Variants in CD8B2 observed in about 807,000 individuals in gnomAD.
CD8B2 encodes the protein T-cell surface glycoprotein CD8 beta-2 chain.
A neutral mutation model predicts 23.7 loss-of-function variants in CD8B2; 11 were observed. The ratio of observed to expected loss-of-function variants is 0.46; its 90% CI spans 0.29 to 0.77. The LOEUF (loss-of-function observed/expected upper bound fraction) is 0.77. Among genes scored for constraint, CD8B2 ranks in the 30% least tolerant of loss-of-function variants. The pLI is 0.09. For missense variants in CD8B2, 197 were observed against 270.5 expected, an observed-to-expected ratio of 0.73 and a Z score of 1.91; for synonymous variants, 90 against 109.3, an observed-to-expected ratio of 0.82 and a Z score of 1.10.
chr2:106,504,177 G>A (rs1201752079), intron 4 of CD8B2, 112 bp from the exon 5 acceptor site: 1 of 1,415,750 alleles, frequency 7.1e-7, no homozygotes, highest in Non-Finnish European at 9.5e-7. Context: ...TCTGGGACCA[G>A]GGAGGTGGGC....
downstream of CD8B2, among the ~76,000 whole-genome samples, chr2:106,513,870 CTCTA>C (rs1679683698): frequency 6.6e-6 from 1 of 152,168 alleles, no homozygotes; most frequent in Admixed American, 6.5e-5. Context: ...TTGTCCCCGC[CTCTA>C]TCTGAGTACC....
chr2:106,502,027 G>A (rs1177574851), intron 3 of CD8B2, among the ~76,000 whole-genome samples: 5 of 151,942 alleles, frequency 3.3e-5, no homozygotes, highest in Admixed American at 1.3e-4. Flanking sequence ...TGGACATGGT[G>A]GCTCAGGCCT....
rs1410453569 is a variant in CD8B2, at chr2:106,491,110, C to T, written c.280C>T (p.Arg94Trp). Residue 94 changes from arginine (R) to tryptophan (W), a missense_variant, in exon 2 of 6, where the codon CGG becomes TGG. Coordinates refer to ENST00000643224, the MANE Select transcript of CD8B2 (RefSeq NM_001349727.2). Reference sequence around the variant, plus strand: ...GGAACAGGAGAAGATAGCTGTGTTTCGGGATGCAAGCCGGTTCATTCTCAA... The same window carrying T: ...GGAACAGGAGAAGATAGCTGTGTTTTGGGATGCAAGCCGGTTCATTCTCAA... ...EVEQEKIAVFRDASRFILNLT... is the reference protein window; with the variant it reads ...EVEQEKIAVFWDASRFILNLT... 3 of 1,613,914 alleles carry T rather than the reference C, an allele frequency of 1.9e-6. No individual in the cohort carries two copies. The highest frequency in any genetic ancestry group is 2.2e-5 in the South Asian group (2 of 91,072).
intron 5 of CD8B2, among the ~76,000 whole-genome samples, chr2:106,527,533 C>T (rs563108070): frequency 1.3e-5 from 2 of 152,226 alleles, no homozygotes; most frequent in African/African-American, 2.4e-5. Flanking sequence ...GCCTGTAATC[C>T]TAGCACTTCG....
At chr2:106,515,259 G>A (rs1175967969), downstream of CD8B2, among the ~76,000 whole-genome samples, 2 of 152,214 alleles carry the variant, frequency 1.3e-5, no homozygotes, top group Non-Finnish European at 2.9e-5. Context: ...GTTTGTGACT[G>A]CCCAGCTAAC....
intron 5 of CD8B2, among the ~76,000 whole-genome samples, chr2:106,539,098 C>A (rs1680134505): frequency 6.6e-6 from 1 of 152,238 alleles, no homozygotes; most frequent in African/African-American, 2.4e-5. Flanking sequence ...TGGCCTCACT[C>A]ATTTCAGGGC....
intron 5 of CD8B2, among the ~76,000 whole-genome samples, 160 bp downstream of exon 5, chr2:106,504,485 C>T (rs1679468592): frequency 6.6e-6 from 1 of 152,070 alleles, no homozygotes. Context: ...TACTCGGGAG[C>T]TGAAGCAGGA....
At chr2:106,522,574 C>T (rs1679843878) in intron 5 of CD8B2, among the ~76,000 whole-genome samples, 1 of 152,170 alleles carries the variant, frequency 6.6e-6, no homozygotes, top group Non-Finnish European at 1.5e-5. Flanking sequence ...CTGGTAAAGT[C>T]AGGTCTGGGG....
At chr2:106,539,900 C>T (rs1422054722) in intron 5 of CD8B2, among the ~76,000 whole-genome samples, 2 of 152,212 alleles carry the variant, frequency 1.3e-5, no homozygotes, top group African/African-American at 2.4e-5. Context: ...CTGAATCTCC[C>T]TTTTTTGTCA....
At chr2:106,491,532 G>T (rs559521272) in intron 2 of CD8B2, among the ~76,000 whole-genome samples, 1 of 152,266 alleles carries the variant, frequency 6.6e-6, no homozygotes, top group Admixed American at 6.5e-5. Context: ...TGAGCATTGT[G>T]CTTCTCTTTT....
intron 5 of CD8B2, among the ~76,000 whole-genome samples, chr2:106,516,927 A>G (rs549473104): frequency 9.3e-4 from 138 of 148,222 alleles, no homozygotes; most frequent in Non-Finnish European, 1.8e-3. Flanking sequence ...AATAGTATAT[A>G]TTGATATATT....
intron 5 of CD8B2, among the ~76,000 whole-genome samples, chr2:106,529,701 C>T (rs1397221089): frequency 6.6e-6 from 1 of 152,206 alleles, no homozygotes; most frequent in Non-Finnish European, 1.5e-5. Flanking sequence ...CCACAAGGGA[C>T]ATGTCAGTGG....
intron 5 of CD8B2, among the ~76,000 whole-genome samples, chr2:106,542,757 A>G: frequency 6.7e-6 from 1 of 149,432 alleles, no homozygotes; most frequent in Non-Finnish European, 1.5e-5. Context: ...AATACATACT[A>G]TATATGAAGT....
At chr2:106,513,054 G>A (rs1362678936), downstream of CD8B2, among the ~76,000 whole-genome samples, 1 of 152,002 alleles carries the variant, frequency 6.6e-6, no homozygotes, top group Non-Finnish European at 1.5e-5. Flanking sequence ...GCCCCCACAA[G>A]CTGAGAGCAC....
intron 5 of CD8B2, among the ~76,000 whole-genome samples, chr2:106,531,702 C>A (rs921689708): frequency 6.6e-6 from 1 of 152,200 alleles, no homozygotes; most frequent in Non-Finnish European, 1.5e-5. Context: ...CTCTTCAGTG[C>A]GATCCTGAAG....
In CD8B2 at chr2:106,503,685, C is replaced by T. The variant is rs151112383; in HGVS notation, c.584-604C>T. 9.6e-3 allele frequency among the ~76,000 whole-genome samples: 1,182 copies of T among 123,646 alleles called. 9 individuals carry two copies. Among genetic ancestry groups the T allele is most frequent in the Middle Eastern group, 0.034 (9 of 264 alleles). The allele number at this position is 123,646 out of a possible 152,430, so 81.1% of individuals were successfully genotyped here. ...CAAGTTGGGTGTAGTGGCAAGTGCC[C>T]GTACTTGAGAGGCTGAGGAGGGAGG... On this transcript the variant is annotated intron_variant, in intron 4 of 5. Transcript: ENST00000643224.
chr2:106,489,782 A>ATT (rs1679155707), intron 1 of CD8B2, among the ~76,000 whole-genome samples: 3 of 152,230 alleles, frequency 2.0e-5, no homozygotes, highest in Non-Finnish European at 4.4e-5. Context: ...TTTGGACAGC[A>ATT]TTTCATTTAT....
intron 5 of CD8B2, among the ~76,000 whole-genome samples, chr2:106,539,925 C>T (rs559967871): frequency 1.3e-5 from 2 of 152,128 alleles, no homozygotes; most frequent in African/African-American, 2.4e-5. Flanking sequence ...ACTTCCTGAT[C>T]GTTAAATCTA....
In CD8B2 at chr2:106,490,883, G is replaced by C. The variant is rs1426639730; in HGVS notation, c.53G>C (p.Gly18Ala). 6 of 1,573,424 alleles carry C rather than the reference G, an allele frequency of 3.8e-6. No individual in the cohort carries two copies. The highest frequency in any genetic ancestry group is 1.4e-5 in the African/African-American group (1 of 74,066). The change falls in exon 2 of 6, where the codon GGC becomes GCC. Residue 18 changes from glycine to alanine, a missense_variant. Physicochemically the swap from Gly to Ala is moderately conservative, Grantham distance 60. Around this residue, in one of 3 missense-constraint regions of CD8B2, gnomAD observed 140 missense variants for 164.2 expected, o/e 0.85. Coordinates refer to ENST00000643224, the MANE Select transcript of CD8B2 (RefSeq NM_001349727.2). ...TCTTGGCTTTTCCTAGTTCTCCATG[G>C]CAACTCAGTCCTCCAGCAGACCCCT... ...LLAAQLTVLHGNSVLQQTPAY... is the reference protein window; with the variant it reads ...LLAAQLTVLHANSVLQQTPAY...
Sources: allele counts gnomAD v4.1 joint callset (sites outside exome capture counted in the v4.1 genomes callset), GRCh38; gene constraint gnomAD v4.1.1; regional missense constraint gnomAD v4.1.1; transcripts MANE v1.5; gene names NCBI Gene and HGNC (gene_info 2026-07-23, HGNC 2026-07-21).